TBCK: variants seen among roughly 807,000 people sequenced by gnomAD.
TBCK encodes TBC1 domain containing kinase, also known as TBC domain-containing protein kinase-like protein.
TBCK carries 99 observed loss-of-function variants against 113.4 expected under a neutral mutation model. That is an observed-to-expected ratio of 0.87 (90% confidence interval 0.74 to 1.03). The LOEUF (loss-of-function observed/expected upper bound fraction) is 1.03. TBCK is among the 50% of genes least tolerant of loss of function. The pLI is 0.00. For synonymous variants in TBCK, 369 were observed against 370.8 expected, an observed-to-expected ratio of 1.00 and a Z score of 0.05; for missense variants, 1,045 against 1,061.3, an observed-to-expected ratio of 0.98 and a Z score of 0.21.
At chr4:106,069,649 A>G (rs927447947) in intron 25 of TBCK, among the ~76,000 whole-genome samples, 1 of 152,188 alleles carries the variant, frequency 6.6e-6, no homozygotes, top group African/African-American at 2.4e-5. Flanking sequence ...GTTCCATATG[A>G]ACTTTAAAGT....
chr4:106,181,432 A>T (rs567698937), intron 22 of TBCK, among the ~76,000 whole-genome samples: 3 of 152,262 alleles, frequency 2.0e-5, no homozygotes, highest in African/African-American at 7.2e-5. Flanking sequence ...TTTAGACATG[A>T]AGTCTTTGCC....
intron 23 of TBCK, among the ~76,000 whole-genome samples, chr4:106,153,537 T>C (rs535146959): frequency 6.6e-6 from 1 of 152,250 alleles, no homozygotes; most frequent in East Asian, 1.9e-4. Context: ...GAAATTAATA[T>C]GTATTCTGTG....
At chr4:106,180,035 ATC>A in intron 22 of TBCK, among the ~76,000 whole-genome samples, 1 of 152,108 alleles carries the variant, frequency 6.6e-6, no homozygotes, top group South Asian at 2.1e-4. Flanking sequence ...AATCTATTTT[ATC>A]TGATATATGT....
At chr4:106,264,087 C>T (rs1579440797) in intron 3 of TBCK, among the ~76,000 whole-genome samples, 1 of 151,936 alleles carries the variant, frequency 6.6e-6, no homozygotes. Flanking sequence ...CATATTTTCA[C>T]AACTTCCCCA....
intron 19 of TBCK, among the ~76,000 whole-genome samples, chr4:106,227,591 C>T (rs1012240450): frequency 6.6e-6 from 1 of 151,876 alleles, no homozygotes; most frequent in Non-Finnish European, 1.5e-5. Flanking sequence ...AGTATTCCTA[C>T]TTCACTTATG....
Position 106,294,071 on chromosome 4 carries a change from T to C in TBCK, c.266+1023A>G, listed in dbSNP as rs535328544. 6.6e-5 allele frequency among the ~76,000 whole-genome samples: 10 copies of C among 152,340 alleles called. No homozygotes were observed. The South Asian group carries it at 2.1e-3, about 32-fold the overall frequency. ...ATTTAAACTGTATCATTAAATTCTA[T>C]CCAAGCTATGATTAATATTTCTCCC... On this transcript the variant is annotated intron_variant, in intron 3 of 25. Transcript: ENST00000394708.
chr4:106,091,428 A>G (rs1481356723), intron 25 of TBCK, among the ~76,000 whole-genome samples: 1 of 152,226 alleles, frequency 6.6e-6, no homozygotes, highest in Non-Finnish European at 1.5e-5. Context: ...ACTGACTTCA[A>G]GAATGCAGCC....
chr4:106,123,237 CAGAG>C (rs956896820), intron 23 of TBCK, among the ~76,000 whole-genome samples: 12 of 152,292 alleles, frequency 7.9e-5, no homozygotes, highest in South Asian at 2.1e-4. Flanking sequence ...CAACAACAAA[CAGAG>C]AGCCAAATCA....
chr4:106,145,330 C>G (rs571840879), intron 23 of TBCK, among the ~76,000 whole-genome samples: 3 of 152,196 alleles, frequency 2.0e-5, no homozygotes, highest in Non-Finnish European at 4.4e-5. Context: ...AACAGCAACA[C>G]CACAAAACAA....
At chr4:106,083,667 T>C (rs1376633488) in intron 25 of TBCK, among the ~76,000 whole-genome samples, 1 of 152,214 alleles carries the variant, frequency 6.6e-6, no homozygotes, top group Non-Finnish European at 1.5e-5. Context: ...AGACACCTTA[T>C]ACAGGAGTGA....
intron 23 of TBCK, among the ~76,000 whole-genome samples, chr4:106,149,901 T>G (rs926829301): frequency 6.6e-6 from 1 of 152,234 alleles, no homozygotes; most frequent in African/African-American, 2.4e-5. Context: ...TAAGTTGAAG[T>G]AATGGGTTTA....
intron 20 of TBCK, among the ~76,000 whole-genome samples, chr4:106,195,929 A>G (rs1481394232): frequency 1.3e-5 from 2 of 152,014 alleles, no homozygotes. Flanking sequence ...GTTTCTCTAG[A>G]GAACCCTAAT....
In TBCK at chr4:106,262,977, A is replaced by G. The variant is rs1762638872; in HGVS notation, c.267-765T>C. Among the ~76,000 whole-genome samples, 2 of 152,006 alleles carry G rather than the reference A, an allele frequency of 1.3e-5. 1 individual carries two copies. Among genetic ancestry groups the G allele is most frequent in the South Asian group, 4.1e-4 (2 of 4,828 alleles). On this transcript the variant is annotated intron_variant, in intron 3 of 25. Transcript: ENST00000394708. ...TATAAAGTATGGATTGTTCATTTGC[A>G]GACATTGGTGCCTGCATTAAAATAT...
At chr4:106,210,628 A>G (rs1042660732) in intron 20 of TBCK, among the ~76,000 whole-genome samples, 4 of 152,136 alleles carry the variant, frequency 2.6e-5, no homozygotes, top group African/African-American at 9.7e-5. Flanking sequence ...TATTATTTAG[A>G]ATTTTATTTT....
chr4:106,194,753 A>G lies in TBCK; in HGVS notation c.1862T>C (p.Leu621Pro). ...GGTAAGAAACCAAGGGATGGCATAGAGCTATGAGTGGAAAAAGGGGTACAG... is the reference window on the plus strand; with the variant it reads ...GGTAAGAAACCAAGGGATGGCATAGGGCTATGAGTGGAAAAAGGGGTACAG... ...HLNEIGFIPDLYAIPWFLTMF... is the reference protein window; with the variant it reads ...HLNEIGFIPDPYAIPWFLTMF... The change falls in exon 21 of 26, where the codon CTC becomes CCC. Residue 621 changes from leucine (L) to proline (P), a missense_variant and splice_region_variant. Leu to Pro is a moderately conservative substitution (Grantham distance 98). Transcript: ENST00000394708. The G allele has an allele frequency of 6.3e-7, 1 of 1,580,026 alleles. No individual in the cohort carries two copies.
intron 12 of TBCK, among the ~76,000 whole-genome samples, chr4:106,239,109 C>T (rs906152938): frequency 2.6e-5 from 4 of 152,046 alleles, no homozygotes; most frequent in South Asian, 2.1e-4. Context: ...GGAAACTCTT[C>T]GGTCAGGTCT....
intron 24 of TBCK, among the ~76,000 whole-genome samples, chr4:106,110,535 G>A (rs543772943): frequency 6.6e-6 from 1 of 152,272 alleles, no homozygotes; most frequent in East Asian, 1.9e-4. Context: ...CAGAGCCTTG[G>A]TTTCGCAGGC....
At chr4:106,316,402 G>T, upstream of TBCK, 5 of 745,466 alleles carry the variant, frequency 6.7e-6, no homozygotes, top group South Asian at 8.2e-5. Context: ...GGAAGACGAG[G>T]AGCGTGGTAT....
chr4:106,239,470 C>T (rs1186140114), intron 12 of TBCK, among the ~76,000 whole-genome samples: 1 of 151,628 alleles, frequency 6.6e-6, no homozygotes, highest in Non-Finnish European at 1.5e-5. Context: ...AAGAGAAGTA[C>T]AATGGAGGAA....
Sources: gnomAD v4.1 joint callset for allele counts (sites outside exome capture counted in the v4.1 genomes callset) on GRCh38, gnomAD v4.1.1 for gene constraint, MANE v1.5 for transcripts, NCBI Gene and HGNC (gene_info 2026-07-23, HGNC 2026-07-21) for gene names.